Variants in EPN2 observed in about 807,000 individuals in gnomAD.
EPN2 encodes epsin-2.
A neutral mutation model predicts 61.7 loss-of-function variants in EPN2; 34 were observed. The ratio of observed to expected loss-of-function variants is 0.55; its 90% confidence interval spans 0.42 to 0.73. The LOEUF (loss-of-function observed/expected upper bound fraction) is 0.73, where lower values mean the gene tolerates loss of function less well. Among genes scored for constraint, EPN2 ranks in the 30% least tolerant of loss-of-function variants. The pLI is 0.00. For synonymous variants in EPN2, 349 were observed against 353.6 expected, an observed-to-expected ratio of 0.99 and a Z score of 0.15; for missense variants, 714 against 839.2, an observed-to-expected ratio of 0.85 and a Z score of 1.84.
At chr17:19,308,005 T>A (rs1905934354) in intron 4 of EPN2, 1 of 985,030 alleles carries the variant, frequency 1.0e-6, no homozygotes. Flanking sequence ...CCTAGGTGAA[T>A]GAATCCTGCT....
chr17:19,252,111 A>T (rs2045022071), intron 1 of EPN2, among the ~76,000 whole-genome samples: 1 of 151,744 alleles, frequency 6.6e-6, no homozygotes, highest in South Asian at 2.1e-4. Flanking sequence ...AACATTTTGG[A>T]TTTTGGATTT....
At chr17:19,259,539 C>T (rs1488871994) in intron 1 of EPN2, among the ~76,000 whole-genome samples, 1 of 152,126 alleles carries the variant, frequency 6.6e-6, no homozygotes, top group Admixed American at 6.5e-5. Context: ...GTCTCAATCT[C>T]CTGACCTTGT....
At chr17:19,289,716 C>G (rs939761441) in intron 4 of EPN2, among the ~76,000 whole-genome samples, 2 of 96,396 alleles carry the variant, frequency 2.1e-5, no homozygotes, top group South Asian at 8.2e-4. Context: ...CCTCACCTGG[C>G]GCTCATGGTT....
chr17:19,319,487 C>T (rs1420530278), intron 7 of EPN2, among the ~76,000 whole-genome samples: 5 of 151,692 alleles, frequency 3.3e-5, no homozygotes, highest in African/African-American at 9.7e-5. Flanking sequence ...AGTGCCACTA[C>T]GCCCAGCTAA....
intron 1 of EPN2, among the ~76,000 whole-genome samples, chr17:19,276,773 G>GATTTTTTTTTTTTT (rs2045309653): frequency 8.4e-6 from 1 of 119,328 alleles, no homozygotes; most frequent in East Asian, 2.5e-4. Flanking sequence ...ATGAGAATAA[G>GATTTTTTTTTTTTT]TTTTTTTTTT....
rs775546444 is a variant in EPN2, at chr17:19,283,080, C to G, written c.-40C>G. 2 of 1,490,764 alleles carry G rather than the reference C, an allele frequency of 1.3e-6. No individual in the cohort carries two copies. Among genetic ancestry groups the G allele is most frequent in the Non-Finnish European group, 1.8e-6 (2 of 1,089,800 alleles). The allele number at this position is 1,490,764 out of a possible 1,614,324, so 92.3% of individuals were successfully genotyped here. ...ACTTACCAAGGACAGGAAGGTTTCT[C>G]TGTTTGAAGGGCTTTAAACTTATAA... On this transcript the variant is annotated 5_prime_UTR_variant, in exon 3 of 11. Transcript: ENST00000314728. This position sits in a 1 kb window ranked among gnomAD's most constrained non-coding sequence, Gnocchi z 7.0.
intron 1 of EPN2, among the ~76,000 whole-genome samples, chr17:19,264,992 G>C (rs1290746765): frequency 6.6e-6 from 1 of 152,144 alleles, no homozygotes; most frequent in Non-Finnish European, 1.5e-5. Context: ...GAGCATCCCT[G>C]GAGGGAAGGA....
intron 4 of EPN2, among the ~76,000 whole-genome samples, chr17:19,296,145 A>G (rs572963034): frequency 2.6e-5 from 4 of 151,186 alleles, no homozygotes; most frequent in Non-Finnish European, 4.4e-5. Context: ...GAAGTCATTC[A>G]TTCTATTTTT....
chr17:19,278,382 C>T (rs1007160923), intron 1 of EPN2, among the ~76,000 whole-genome samples: 1 of 152,054 alleles, frequency 6.6e-6, no homozygotes, highest in African/African-American at 2.4e-5. Flanking sequence ...CCTGGAGAGG[C>T]CTCAGAATTA....
At chr17:19,315,073 TG>T (rs778733695) in intron 7 of EPN2, among the ~76,000 whole-genome samples, 15 of 152,220 alleles carry the variant, frequency 9.9e-5, no homozygotes, top group Non-Finnish European at 2.1e-4. Flanking sequence ...ATCAGAGTGG[TG>T]GGAAGGAGAC....
In EPN2 at chr17:19,328,663, C is replaced by G. The variant is rs1907009580; in HGVS notation, c.1148-48C>G. The G allele has an allele frequency of 3.3e-6, 5 of 1,537,798 alleles. No homozygotes were observed. The Admixed American group carries it at 5.6e-5, about 17-fold the overall frequency. The stretch of plus-strand genomic sequence containing the variant: ...CCTTTTCCCTTCTCACCCCAGCTGC[C>G]CAGACCCTCTGAAGGCATTTCTGAG... On this transcript the variant is annotated intron_variant, in intron 7 of 10. Coordinates refer to ENST00000314728, the MANE Select transcript of EPN2 (RefSeq NM_014964.5).
chr17:19,323,029 C>G (rs1906714929), intron 7 of EPN2, among the ~76,000 whole-genome samples: 1 of 152,216 alleles, frequency 6.6e-6, no homozygotes, highest in Non-Finnish European at 1.5e-5. Context: ...TGACACATCA[C>G]TGCCACCTTC....
intron 1 of EPN2, among the ~76,000 whole-genome samples, chr17:19,244,952 G>A (rs1156795649): frequency 1.3e-5 from 2 of 152,122 alleles, no homozygotes; most frequent in Non-Finnish European, 2.9e-5. Flanking sequence ...ATTTGCAGCT[G>A]TGCCAGGTGC....
intron 7 of EPN2, among the ~76,000 whole-genome samples, chr17:19,318,489 G>T (rs924390682): frequency 3.8e-5 from 5 of 132,452 alleles, no homozygotes; most frequent in Non-Finnish European, 7.7e-5. Context: ...GGCGGAGGTT[G>T]CAGTGAGCCG....
intron 1 of EPN2, among the ~76,000 whole-genome samples, 167 bp downstream of exon 1, chr17:19,237,698 G>A (rs2044830299): frequency 6.6e-6 from 1 of 152,148 alleles, no homozygotes; most frequent in East Asian, 1.9e-4. Context: ...AGGCTCTGGG[G>A]GATCCCCTTC....
At chr17:19,322,150 C>T (rs1404394257) in intron 7 of EPN2, among the ~76,000 whole-genome samples, 1 of 152,154 alleles carries the variant, frequency 6.6e-6, no homozygotes, top group Non-Finnish European at 1.5e-5. Flanking sequence ...TCAGAAGAAG[C>T]TTCTGGATGG....
At chr17:19,306,292 G>C (rs769799240) in intron 4 of EPN2, 8 of 152,258 alleles carry the variant, frequency 5.3e-5, no homozygotes, top group Non-Finnish European at 1.0e-4. Context: ...GGGCACAAGA[G>C]GCCCTTTGTG....
intron 1 of EPN2, among the ~76,000 whole-genome samples, chr17:19,270,908 C>A (rs558429547): frequency 6.6e-6 from 1 of 152,294 alleles, no homozygotes; most frequent in African/African-American, 2.4e-5. Context: ...TGTTCCCAGG[C>A]AGTTTATTGT....
At chr17:19,243,908 C>T (rs1405202580) in intron 1 of EPN2, among the ~76,000 whole-genome samples, 2 of 152,120 alleles carry the variant, frequency 1.3e-5, no homozygotes, top group South Asian at 4.1e-4. Flanking sequence ...AATTTGGGAA[C>T]CTTGGCCCAG....
Sources: allele counts gnomAD v4.1 joint callset (sites outside exome capture counted in the v4.1 genomes callset), GRCh38; gene constraint gnomAD v4.1.1; non-coding constraint Gnocchi (gnomAD v3.1); transcripts MANE v1.5; gene names NCBI Gene and HGNC (gene_info 2026-07-23, HGNC 2026-07-21).